Variants in PCDH7 observed in about 807,000 individuals in gnomAD.
The protein encoded by PCDH7 is protocadherin-7.
A neutral mutation model predicts 58.9 loss-of-function variants in PCDH7; 17 were observed. The ratio of observed to expected loss-of-function variants is 0.29; its 90% CI spans 0.20 to 0.43. PCDH7 has a LOEUF of 0.43. PCDH7 is among the 20% of genes least tolerant of loss of function. The pLI, the probability that PCDH7 is intolerant of heterozygous loss-of-function variation, is 1.00. For missense variants in PCDH7, 1,274 were observed against 1,441.0 expected, an observed-to-expected ratio of 0.88 and a Z score of 1.88; for synonymous variants, 664 against 616.4, an observed-to-expected ratio of 1.08 and a Z score of -1.14.
chr4:30,749,649 G>A (rs901060879), intron 1 of PCDH7, among the ~76,000 whole-genome samples: 1 of 152,096 alleles, frequency 6.6e-6, no homozygotes, highest in Non-Finnish European at 1.5e-5. Context: ...GATAATAGAT[G>A]ATTGACTGTA....
chr4:30,923,910 A>G (rs1284514216), intron 2 of PCDH7, among the ~76,000 whole-genome samples: 1 of 152,226 alleles, frequency 6.6e-6, no homozygotes, highest in Non-Finnish European at 1.5e-5. Context: ...AATAGGTAAT[A>G]CAAACATTTG....
At chr4:31,030,450 A>C (rs1754808413) in intron 3 of PCDH7, among the ~76,000 whole-genome samples, 1 of 152,222 alleles carries the variant, frequency 6.6e-6, no homozygotes, top group East Asian at 1.9e-4. Flanking sequence ...AAAGAGGGAA[A>C]GAAAAAGAAA....
At chr4:30,800,019 A>AT (rs57456489) in intron 1 of PCDH7, among the ~76,000 whole-genome samples, 2,577 of 143,134 alleles carry the variant, frequency 0.018, 31 homozygotes, top group South Asian at 0.023. Flanking sequence ...ACACCCGGCT[A>AT]TTTTTTTTTT....
At chr4:31,139,496 A>C (rs1489958877) in intron 3 of PCDH7, among the ~76,000 whole-genome samples, 2 of 152,216 alleles carry the variant, frequency 1.3e-5, no homozygotes, top group African/African-American at 4.8e-5. Context: ...ATGCCACAAA[A>C]AAATAGGACA....
chr4:31,119,649 G>A (rs1578848450), intron 3 of PCDH7, among the ~76,000 whole-genome samples: 1 of 152,082 alleles, frequency 6.6e-6, no homozygotes, highest in South Asian at 2.1e-4. Flanking sequence ...TTGACATGAG[G>A]TTTTATATGT....
chr4:31,141,457 C>T lies in PCDH7; in HGVS notation c.*8-1016C>T, dbSNP rs542974929. Among the ~76,000 whole-genome samples, 181 of 152,296 alleles carry T rather than the reference C, an allele frequency of 1.2e-3. 2 individuals carry two copies. In the South Asian group the frequency reaches 0.021, roughly 17 times the overall value. ...TGCCTCAGAATCTGTTGAAGTAGAACAGGCTTTTCTCTCTCCCATTCTCTC... is the reference window on the plus strand; with the variant it reads ...TGCCTCAGAATCTGTTGAAGTAGAATAGGCTTTTCTCTCTCCCATTCTCTC... On this transcript the variant is annotated intron_variant, in intron 3 of 3. Coordinates refer to the PCDH7 transcript ENST00000509759.
At chr4:31,069,362 G>GTGCCTCA (rs146109808) in intron 3 of PCDH7, among the ~76,000 whole-genome samples, 10,627 of 151,060 alleles carry the variant, frequency 0.07, 524 homozygotes, top group Middle Eastern at 0.12. Flanking sequence ...AGTCTCCCTG[G>GTGCCTCA]TGCCTCATGC....
At chr4:30,814,117 T>G (rs1396626134) in intron 1 of PCDH7, among the ~76,000 whole-genome samples, 1 of 152,112 alleles carries the variant, frequency 6.6e-6, no homozygotes, top group East Asian at 1.9e-4. Flanking sequence ...TATTTACAGA[T>G]AGGTAACATT....
intron 3 of PCDH7, among the ~76,000 whole-genome samples, chr4:31,102,256 G>A (rs558962906): frequency 6.6e-6 from 1 of 151,476 alleles, no homozygotes. Context: ...ATGTCACCTG[G>A]TATCTATCTA....
chr4:31,013,770 A>G (rs1753395985), intron 3 of PCDH7, among the ~76,000 whole-genome samples: 1 of 152,110 alleles, frequency 6.6e-6, no homozygotes, highest in Admixed American at 6.6e-5. Context: ...CCCATCCTGG[A>G]GACAAGGATG....
exon 4 of PCDH7, chr4:31,142,709 A>T (rs1720413416): frequency 7.3e-7 from 1 of 1,367,570 alleles, no homozygotes. Context: ...CAAAAAGTTG[A>T]CCTCATCCTA....
chr4:31,033,014 G>A (rs1051666036), intron 3 of PCDH7, among the ~76,000 whole-genome samples: 1 of 151,812 alleles, frequency 6.6e-6, no homozygotes, highest in African/African-American at 2.4e-5. Flanking sequence ...CTTTATTTAA[G>A]TTTACTTTTG....
intron 1 of PCDH7, among the ~76,000 whole-genome samples, chr4:30,814,693 C>T (rs1182747722): frequency 1.3e-5 from 2 of 152,058 alleles, no homozygotes; most frequent in Non-Finnish European, 2.9e-5. Flanking sequence ...CAAACTGTTT[C>T]TTTCCTCTTG....
At chr4:31,001,016 G>T (rs1752325557) in intron 3 of PCDH7, among the ~76,000 whole-genome samples, 1 of 149,168 alleles carries the variant, frequency 6.7e-6, no homozygotes, top group Admixed American at 6.6e-5. Context: ...GTAAGTGGCG[G>T]CAGTGTGGGC....
At chr4:30,955,756 C>T (rs1363469238) in intron 3 of PCDH7, among the ~76,000 whole-genome samples, 1 of 151,570 alleles carries the variant, frequency 6.6e-6, no homozygotes, top group Non-Finnish European at 1.5e-5. Flanking sequence ...ACCATGTTGA[C>T]CAGGCTGGTC....
intron 1 of PCDH7, among the ~76,000 whole-genome samples, chr4:30,749,901 G>C (rs996953356): frequency 1.3e-5 from 2 of 152,224 alleles, no homozygotes; most frequent in South Asian, 4.1e-4. Flanking sequence ...ATTAGGTGCT[G>C]TAACTGTTTC....
At chr4:31,040,295 A>T (rs1045697915) in intron 3 of PCDH7, among the ~76,000 whole-genome samples, 10 of 152,024 alleles carry the variant, frequency 6.6e-5, no homozygotes, top group African/African-American at 2.2e-4. Flanking sequence ...TCTGGGAATC[A>T]CTGTTCTGAT....
downstream of PCDH7, chr4:31,144,882 T>C (rs1720577683): frequency 6.6e-6 from 1 of 152,158 alleles, no homozygotes; most frequent in Admixed American, 6.6e-5. Flanking sequence ...TATGGAAAGA[T>C]GCAATTCTAG....
chr4:31,075,287 G>A (rs1264451520), intron 3 of PCDH7, among the ~76,000 whole-genome samples: 2 of 152,064 alleles, frequency 1.3e-5, no homozygotes, highest in African/African-American at 4.8e-5. Flanking sequence ...ATGACATAGT[G>A]CTGTTTAGAG....
Sources: gnomAD v4.1 joint callset for allele counts (sites outside exome capture counted in the v4.1 genomes callset) on GRCh38, gnomAD v4.1.1 for gene constraint, MANE v1.5 for transcripts, NCBI Gene and HGNC (gene_info 2026-07-23, HGNC 2026-07-21) for gene names.